The following SLC39A12 variants were observed in gnomAD, a reference collection of about 807,000 sequenced individuals.
SLC39A12 encodes solute carrier family 39 member 12, also known as zinc transporter ZIP12.
A neutral mutation model predicts 71.1 loss-of-function variants in SLC39A12; 63 were observed. The observed-to-expected ratio is 0.89, with a 90% CI of 0.72 to 1.09. The LOEUF is 1.09. Ranked by LOEUF, SLC39A12 falls within the 50% of genes least tolerant of loss-of-function variation. The pLI is 0.00. For missense variants in SLC39A12, 892 were observed against 812.6 expected (o/e 1.10, Z -1.19); for synonymous variants, 351 against 301.3 (o/e 1.16, Z -1.71).
chr10:18,030,010 T>C lies in SLC39A12; in HGVS notation c.1948-12695T>C, dbSNP rs887112496. On this transcript the variant is annotated intron_variant, in intron 12 of 12. Transcript: ENST00000377369. ...AAAGACTTTCTGTAGGACTCTCTGGTATTTGGTATCCAAGAGATACTATGG... is the reference window on the plus strand; with the variant it reads ...AAAGACTTTCTGTAGGACTCTCTGGCATTTGGTATCCAAGAGATACTATGG... 4.0e-5 allele frequency among the ~76,000 whole-genome samples: 6 copies of C among 151,106 alleles called. No individual in the cohort carries two copies. In the Admixed American group the frequency reaches 4.0e-4, roughly 10 times the overall value.
In SLC39A12 at chr10:17,993,767, A is replaced by G. The variant is rs79310994; in HGVS notation, c.1533+476A>G. On this transcript the variant is annotated intron_variant, in intron 9 of 12. Transcript: ENST00000377369. ...TCATAGTATGTGCCTTTATTCTACT[A>G]AATTTTCCACAACAAAATCTTCTAT... Among the ~76,000 whole-genome samples the G allele has an allele frequency of 4.4e-3, 671 of 152,360 alleles. 5 individuals are homozygous for G. Among genetic ancestry groups the G allele is most frequent in the African/African-American group, 0.015 (640 of 41,584 alleles).
At chr10:17,991,440 C>T (rs1835545115) in intron 8 of SLC39A12, 137 bp downstream of exon 8, 5 of 595,016 alleles carry the variant, frequency 8.4e-6, no homozygotes, top group East Asian at 3.2e-5. Flanking sequence ...TTCAAGAATA[C>T]ACAGCTCCTT....
chr10:17,964,760 C>T (rs1834779623), intron 3 of SLC39A12, among the ~76,000 whole-genome samples: 1 of 152,182 alleles, frequency 6.6e-6, no homozygotes, highest in Admixed American at 6.5e-5. Context: ...TGACGCAAGG[C>T]AGCAGAGCCT....
At chr10:18,016,647 T>G (rs1436467351) in intron 12 of SLC39A12, among the ~76,000 whole-genome samples, 1 of 152,226 alleles carries the variant, frequency 6.6e-6, no homozygotes, top group Non-Finnish European at 1.5e-5. Flanking sequence ...CTGTACCTTT[T>G]GGCATTTCCA....
chr10:18,003,248 G>C lies in SLC39A12; in HGVS notation c.1837G>C (p.Ala613Pro), dbSNP rs756922317. The change falls in exon 12 of 13, where the codon GCC (alanine) becomes CCC (proline). Residue 613 changes from alanine (A) to proline (P), a missense_variant. Coordinates refer to ENST00000377369, the MANE Select transcript of SLC39A12 (RefSeq NM_001145195.2). ...GATGAATTTTATAAGCTCCCTAACT[G>C]CCTTCATGGGATTATACATTGGCCT... ...ILMNFISSLT[A>P]FMGLYIGLSV... The C allele has an allele frequency of 6.2e-7, 1 of 1,614,030 alleles. No individual in the cohort carries two copies.
intron 4 of SLC39A12, among the ~76,000 whole-genome samples, chr10:17,974,092 A>G (rs1835044346): frequency 6.6e-6 from 1 of 151,490 alleles, no homozygotes. Context: ...AAAATATTTT[A>G]TTTTTAATTA....
intron 2 of SLC39A12, among the ~76,000 whole-genome samples, chr10:17,957,105 A>T (rs943874255): frequency 6.6e-6 from 1 of 152,200 alleles, no homozygotes; most frequent in Non-Finnish European, 1.5e-5. Context: ...AAAATTTCCC[A>T]TTGTTTAAAA....
intron 12 of SLC39A12, among the ~76,000 whole-genome samples, chr10:18,035,708 G>A (rs1463414039): frequency 6.6e-6 from 1 of 152,236 alleles, no homozygotes; most frequent in Non-Finnish European, 1.5e-5. Flanking sequence ...CGTTCCGCTG[G>A]AGGAGGAGAG....
At chr10:18,023,088 G>C (rs1275640873) in intron 12 of SLC39A12, among the ~76,000 whole-genome samples, 1 of 152,032 alleles carries the variant, frequency 6.6e-6, no homozygotes, top group Non-Finnish European at 1.5e-5. Context: ...ATCTCAGCTT[G>C]GCCCTCTGGG....
chr10:18,009,200 A>C (rs998103751), intron 12 of SLC39A12, among the ~76,000 whole-genome samples: 2 of 152,134 alleles, frequency 1.3e-5, no homozygotes, highest in African/African-American at 4.8e-5. Flanking sequence ...AGGACTATAG[A>C]AACCTCAAGG....
chr10:17,956,364 C>T (rs73605861), intron 2 of SLC39A12, among the ~76,000 whole-genome samples: 5,018 of 152,176 alleles, frequency 0.033, 263 homozygotes, highest in African/African-American at 0.11. Context: ...CTCTGAGGAT[C>T]TCATGGACAT....
chr10:18,024,032 A>G (rs919912607), intron 12 of SLC39A12, among the ~76,000 whole-genome samples: 2 of 152,092 alleles, frequency 1.3e-5, no homozygotes, highest in African/African-American at 4.8e-5. Flanking sequence ...AGTGTCAAAA[A>G]GGGCAGGCCT....
intron 11 of SLC39A12, chr10:18,001,962 A>G (rs1376254663): frequency 7.8e-6 from 1 of 128,112 alleles, no homozygotes; most frequent in Non-Finnish European, 1.6e-5. Context: ...AACCATCTTT[A>G]CCTCACCTCC....
In SLC39A12 at chr10:18,042,273, C is replaced by G. The variant is rs149575971; in HGVS notation, c.1948-432C>G. 2.7e-3 allele frequency among the ~76,000 whole-genome samples: 417 copies of G among 151,962 alleles called. 2 individuals carry two copies. Among genetic ancestry groups the G allele is most frequent in the African/African-American group, 9.6e-3 (399 of 41,466 alleles). ...CATGCAGGTTGCTTGAGCCCAGGAG[C>G]TTGAGACCTGCCTGGGCAATACAGG... On this transcript the variant is annotated intron_variant, in intron 12 of 12. Transcript: ENST00000377369.
chr10:18,036,977 G>C (rs966098247), intron 12 of SLC39A12, among the ~76,000 whole-genome samples: 2 of 151,232 alleles, frequency 1.3e-5, no homozygotes, highest in East Asian at 3.9e-4. Flanking sequence ...AATAGAGTCT[G>C]CGTTTCACCA....
chr10:17,968,152 G>A (rs549019484), intron 4 of SLC39A12, among the ~76,000 whole-genome samples: 1 of 151,368 alleles, frequency 6.6e-6, no homozygotes, highest in African/African-American at 2.4e-5. Context: ...TGATTTTTAG[G>A]GGTTTCAGAT....
At chr10:18,039,603 C>T (rs767779992) in intron 12 of SLC39A12, among the ~76,000 whole-genome samples, 6 of 152,086 alleles carry the variant, frequency 3.9e-5, no homozygotes, top group Non-Finnish European at 7.3e-5. Flanking sequence ...TAGTATGCAC[C>T]TGCAGTCTTA....
chr10:18,025,485 T>C (rs1349913060), intron 12 of SLC39A12, among the ~76,000 whole-genome samples: 1 of 152,164 alleles, frequency 6.6e-6, no homozygotes, highest in Non-Finnish European at 1.5e-5. Context: ...CATGCGGTGT[T>C]TGGTTTTTTG....
At chr10:17,971,767 CTT>C (rs1834981054) in intron 4 of SLC39A12, among the ~76,000 whole-genome samples, 1 of 151,964 alleles carries the variant, frequency 6.6e-6, no homozygotes, top group Non-Finnish European at 1.5e-5. Context: ...TGTTCTTTAA[CTT>C]TTCACAAAAC....
Sources: gnomAD v4.1 joint callset for allele counts (sites outside exome capture counted in the v4.1 genomes callset) on GRCh38, gnomAD v4.1.1 for gene constraint, MANE v1.5 for transcripts, NCBI Gene and HGNC (gene_info 2026-07-23, HGNC 2026-07-21) for gene names.